Variants in MYSM1 observed in about 807,000 individuals in gnomAD.
The protein encoded by MYSM1 is Myb like, SWIRM and MPN domains 1, also known as deubiquitinase MYSM1.
Under a neutral mutation model 116.0 loss-of-function variants are expected in MYSM1, and 51 were observed. The ratio of observed to expected loss-of-function variants is 0.44; its 90% CI spans 0.35 to 0.56. The LOEUF is 0.56. Among genes scored for constraint, MYSM1 ranks in the 20% least tolerant of loss-of-function variants. MYSM1 has a pLI of 0.00. For missense variants in MYSM1, 900 were observed against 974.9 expected, an observed-to-expected ratio of 0.92 and a Z score of 1.02; for synonymous variants, 313 against 315.2, an observed-to-expected ratio of 0.99 and a Z score of 0.07.
chr1:58,698,102 A>ATATATATTTTTTTTTTTTTTTTT, intron 1 of MYSM1, among the ~76,000 whole-genome samples: 1 of 7,770 alleles, frequency 1.3e-4, no homozygotes, highest in African/African-American at 2.6e-4. Context: ...ATATATATAT[A>ATATATATTTTTTTTTTTTTTTTT]TTTTTTTTTT....
chr1:58,699,738 G>A (rs1645035288), intron 1 of MYSM1: 1 of 985,270 alleles, frequency 1.0e-6, no homozygotes, highest in Non-Finnish European at 1.2e-6. Flanking sequence ...AGGCGAAATC[G>A]GTGCCCTCAC....
intron 8 of MYSM1, among the ~76,000 whole-genome samples, chr1:58,679,576 A>G (rs1644706327): frequency 6.6e-6 from 1 of 152,130 alleles, no homozygotes; most frequent in Non-Finnish European, 1.5e-5. Flanking sequence ...CTCCTGCTTC[A>G]GTCTCCTGAG....
intron 1 of MYSM1, among the ~76,000 whole-genome samples, chr1:58,698,977 C>A (rs1645024393): frequency 6.6e-6 from 1 of 152,062 alleles, no homozygotes; most frequent in South Asian, 2.1e-4. Context: ...ATGAAGTTGC[C>A]GCTTTATAGA....
intron 8 of MYSM1, among the ~76,000 whole-genome samples, chr1:58,679,788 G>C (rs1194341594): frequency 6.6e-6 from 1 of 152,112 alleles, no homozygotes; most frequent in Non-Finnish European, 1.5e-5. Context: ...AGAACTTTGG[G>C]TGGCCGAGGT....
intron 15 of MYSM1, among the ~76,000 whole-genome samples, chr1:58,667,505 C>T (rs1385264856): frequency 6.6e-6 from 1 of 152,132 alleles, no homozygotes; most frequent in Admixed American, 6.5e-5. Flanking sequence ...TTCAATGACT[C>T]CTGTTACTTA....
At chr1:58,675,353 A>T (rs522103) in intron 10 of MYSM1, 124 bp downstream of exon 10, 7,487 of 676,478 alleles carry the variant, frequency 0.011, 340 homozygotes, top group African/African-American at 0.11. Flanking sequence ...AAGGTGAAAC[A>T]CAAGAGGAAA....
chr1:58,698,544 G>C (rs1183005892), intron 1 of MYSM1, among the ~76,000 whole-genome samples: 3 of 124,748 alleles, frequency 2.4e-5, no homozygotes, highest in Admixed American at 1.6e-4. Context: ...GGAAGAAAGA[G>C]AAAAGGGGAA....
chr1:58,691,322 T>C (rs956479710), intron 3 of MYSM1, among the ~76,000 whole-genome samples: 1 of 152,048 alleles, frequency 6.6e-6, no homozygotes, highest in Non-Finnish European at 1.5e-5. Context: ...GATGAAGTAC[T>C]TTAAGATTAG....
At chr1:58,661,094 T>C (rs1346078480) in intron 19 of MYSM1, 76 bp downstream of exon 19, 1 of 1,051,350 alleles carries the variant, frequency 9.5e-7, no homozygotes, top group Non-Finnish European at 1.5e-6. Context: ...GTATTAGGCA[T>C]CATGGGAAAA....
chr1:58,665,288 C>T (rs1175389594), intron 17 of MYSM1, among the ~76,000 whole-genome samples: 1 of 152,148 alleles, frequency 6.6e-6, no homozygotes, highest in African/African-American at 2.4e-5. Flanking sequence ...GCCCAGTGGC[C>T]ATGGTAACAA....
chr1:58,697,442 C>T (rs1473727977), intron 1 of MYSM1, among the ~76,000 whole-genome samples: 1 of 151,990 alleles, frequency 6.6e-6, no homozygotes, highest in East Asian at 1.9e-4. Flanking sequence ...ATGGTTCAAC[C>T]TAACAAAGAG....
At position 58,661,206 on chromosome 1, in the gene MYSM1, G is replaced by T; in HGVS notation, c.2292C>A (p.Ile764=). Residue 764 remains isoleucine (I), a synonymous_variant, in exon 19 of 20, where the codon ATC becomes ATA. Transcript: ENST00000472487. The stretch of plus-strand genomic sequence containing the variant: ...AAGTCAGGTCAGAATCCCGGCGAAA[G>T]ATTTTATCCATGGGGACGCTGCTGT... ...LSHSSVPMDK[I]FRRDSDLTCL... 6.2e-7 allele frequency: 1 copy of T among 1,613,254 alleles called. No homozygotes were observed. Among genetic ancestry groups the T allele is most frequent in the Non-Finnish European group, 8.5e-7 (1 of 1,179,372 alleles).
At chr1:58,681,077 G>C (rs1011621158) in intron 8 of MYSM1, among the ~76,000 whole-genome samples, 1 of 152,136 alleles carries the variant, frequency 6.6e-6, no homozygotes, top group African/African-American at 2.4e-5. Context: ...TGATCTGCCT[G>C]CCTCAGCCTC....
intron 6 of MYSM1, among the ~76,000 whole-genome samples, chr1:58,685,912 T>C (rs1267183900): frequency 6.6e-6 from 1 of 152,194 alleles, no homozygotes; most frequent in Non-Finnish European, 1.5e-5. Flanking sequence ...GGTTTTCTCC[T>C]GTTAATGTCG....
intron 17 of MYSM1, among the ~76,000 whole-genome samples, chr1:58,663,012 C>A (rs903200134): frequency 6.6e-6 from 1 of 152,144 alleles, no homozygotes; most frequent in African/African-American, 2.4e-5. Flanking sequence ...ATTACTGACA[C>A]ACCTTACAAC....
intron 17 of MYSM1, among the ~76,000 whole-genome samples, chr1:58,663,309 C>T (rs1044401343): frequency 2.2e-5 from 2 of 89,390 alleles, no homozygotes; most frequent in Non-Finnish European, 4.4e-5. Context: ...AAAAAAGGTA[C>T]TTTTAAAGTC....
intron 1 of MYSM1, chr1:58,699,718 G>C (rs1645035120): frequency 3.0e-6 from 3 of 985,288 alleles, no homozygotes; most frequent in Non-Finnish European, 3.6e-6. Flanking sequence ...TAAATCAAAC[G>C]CAATGTGGTA....
At chr1:58,695,027 G>A (rs1250758813) in intron 2 of MYSM1, 102 bp downstream of exon 2, 4 of 560,564 alleles carry the variant, frequency 7.1e-6, no homozygotes, top group Non-Finnish European at 1.2e-5. Flanking sequence ...TTATATCTGT[G>A]ATAGTTGAGA....
At chr1:58,692,838 T>C (rs1270604934) in intron 3 of MYSM1, 23 bp downstream of exon 3, 3 of 1,577,282 alleles carry the variant, frequency 1.9e-6, no homozygotes, top group Non-Finnish European at 2.6e-6. Flanking sequence ...ACCTGTACTT[T>C]CCTCATAATC....
Sources: gnomAD v4.1 joint callset for allele counts (sites outside exome capture counted in the v4.1 genomes callset) on GRCh38, gnomAD v4.1.1 for gene constraint, MANE v1.5 for transcripts, NCBI Gene and HGNC (gene_info 2026-07-23, HGNC 2026-07-21) for gene names.